Variants in CTNNA2 observed in about 807,000 individuals in gnomAD.
The protein encoded by CTNNA2 is catenin alpha-2.
In CTNNA2, 42 loss-of-function variants were observed where a neutral mutation model predicts 101.0. That is an observed-to-expected ratio of 0.42 (90% confidence interval 0.32 to 0.54). The LOEUF (loss-of-function observed/expected upper bound fraction) is 0.54, where lower values mean the gene tolerates loss of function less well. CTNNA2 is among the 20% of genes least tolerant of loss of function. The pLI, the probability that CTNNA2 is intolerant of heterozygous loss-of-function variation, is 0.14. For missense variants in CTNNA2, 871 were observed against 1,223.1 expected, an observed-to-expected ratio of 0.71 and a Z score of 4.29; for synonymous variants, 450 against 456.4, an observed-to-expected ratio of 0.99 and a Z score of 0.18.
chr2:79,289,337 A>G (rs1301060473), intron 2 of CTNNA2, among the ~76,000 whole-genome samples: 1 of 152,122 alleles, frequency 6.6e-6, no homozygotes, highest in African/African-American at 2.4e-5. Context: ...TTTCATAGGT[A>G]AATATAGATT....
chr2:80,364,635 A>G (rs1221535808), intron 7 of CTNNA2, among the ~76,000 whole-genome samples: 2 of 122,962 alleles, frequency 1.6e-5, no homozygotes, highest in African/African-American at 6.2e-5. Flanking sequence ...AGTACTTTGT[A>G]TCTTCCCTCT....
chr2:79,569,922 T>A (rs988581678), intron 1 of CTNNA2, among the ~76,000 whole-genome samples: 3 of 152,230 alleles, frequency 2.0e-5, no homozygotes, highest in African/African-American at 7.2e-5. Flanking sequence ...TGGTCTATTA[T>A]GACTAATTTA....
At chr2:80,098,072 G>A (rs1199233715) in intron 7 of CTNNA2, among the ~76,000 whole-genome samples, 2 of 152,188 alleles carry the variant, frequency 1.3e-5, no homozygotes, top group African/African-American at 2.4e-5. Context: ...TTTGGAGGAG[G>A]AGAGGCACTC....
chr2:80,075,586 ATGT>A (rs1698637761), intron 7 of CTNNA2, among the ~76,000 whole-genome samples: 1 of 91,940 alleles, frequency 1.1e-5, no homozygotes, highest in Non-Finnish European at 2.5e-5. Context: ...ATATTTATAC[ATGT>A]ATAAATATAA....
At chr2:79,223,226 C>G (rs1263498034) in intron 2 of CTNNA2, among the ~76,000 whole-genome samples, 2 of 152,122 alleles carry the variant, frequency 1.3e-5, no homozygotes, top group African/African-American at 2.4e-5. Flanking sequence ...TAAGTCACAA[C>G]AAGCAGTTAG....
At chr2:80,069,456 T>C (rs1698186947) in intron 7 of CTNNA2, among the ~76,000 whole-genome samples, 1 of 152,162 alleles carries the variant, frequency 6.6e-6, no homozygotes, top group African/African-American at 2.4e-5. Flanking sequence ...TATCTCTAAA[T>C]AAAAATAATA....
Position 79,850,599 on chromosome 2 carries a change from T to G in CTNNA2, c.299-7414T>G, listed in dbSNP as rs74373622. On this transcript the variant is annotated intron_variant, in intron 3 of 18. Coordinates refer to ENST00000402739, the MANE Select transcript of CTNNA2 (RefSeq NM_001282597.3). ...AACAGGATGTTAAAATAAAGATATT[T>G]CTAAAGCACTGGTTTTAAGAGGATA... 4.4e-3 allele frequency among the ~76,000 whole-genome samples: 673 copies of G among 152,282 alleles called. 4 individuals are homozygous for G. Among genetic ancestry groups the G allele is most frequent in the African/African-American group, 0.014 (589 of 41,546 alleles).
intron 7 of CTNNA2, among the ~76,000 whole-genome samples, chr2:80,356,459 C>G (rs1673808248): frequency 6.6e-6 from 1 of 152,144 alleles, no homozygotes; most frequent in African/African-American, 2.4e-5. Flanking sequence ...TCTTCCGGCT[C>G]AAACATCCTG....
chr2:79,731,853 C>T (rs1687219262), intron 2 of CTNNA2, among the ~76,000 whole-genome samples: 2 of 148,380 alleles, frequency 1.3e-5, no homozygotes, highest in African/African-American at 2.5e-5. Flanking sequence ...TTTTTTTTAC[C>T]ATCAAATGCA....
At chr2:80,339,214 A>T (rs1488644038) in intron 7 of CTNNA2, among the ~76,000 whole-genome samples, 1 of 152,144 alleles carries the variant, frequency 6.6e-6, no homozygotes, top group Non-Finnish European at 1.5e-5. Context: ...TATCACACCC[A>T]TCCATTGAGT....
chr2:79,249,218 A>T (rs1674738330), intron 2 of CTNNA2, among the ~76,000 whole-genome samples: 1 of 152,206 alleles, frequency 6.6e-6, no homozygotes, highest in Non-Finnish European at 1.5e-5. Flanking sequence ...TATGCCTAAT[A>T]AATGTTAGCT....
chr2:79,986,160 C>T (rs1691745553), intron 7 of CTNNA2, among the ~76,000 whole-genome samples: 1 of 152,168 alleles, frequency 6.6e-6, no homozygotes. Context: ...GTCAAGACCT[C>T]TTTAAGTTTT....
At chr2:79,979,352 C>A (rs1691094368) in intron 7 of CTNNA2, among the ~76,000 whole-genome samples, 1 of 152,112 alleles carries the variant, frequency 6.6e-6, no homozygotes. Flanking sequence ...CACTGTACTC[C>A]AGCCTGGGTG....
chr2:80,554,058 A>G (rs1249731349), intron 11 of CTNNA2, among the ~76,000 whole-genome samples: 1 of 152,202 alleles, frequency 6.6e-6, no homozygotes, highest in Non-Finnish European at 1.5e-5. Flanking sequence ...GCAATTTATA[A>G]TGGTTTGAGT....
At chr2:79,589,701 TC>T (rs1241272530) in intron 1 of CTNNA2, among the ~76,000 whole-genome samples, 4 of 114,958 alleles carry the variant, frequency 3.5e-5, no homozygotes, top group Non-Finnish European at 7.0e-5. Context: ...TGCAGCATTT[TC>T]CAGATCTTTT....
chr2:79,338,354 A>G (rs1677044340), intron 3 of CTNNA2, among the ~76,000 whole-genome samples: 1 of 151,902 alleles, frequency 6.6e-6, no homozygotes, highest in South Asian at 2.1e-4. Context: ...CAGAAAGGAG[A>G]CTATTCACAG....
chr2:80,440,472 G>C (rs1230648889), intron 9 of CTNNA2, among the ~76,000 whole-genome samples: 1 of 152,196 alleles, frequency 6.6e-6, no homozygotes, highest in Non-Finnish European at 1.5e-5. Flanking sequence ...TGGCTATCAT[G>C]GGCTAATCAG....
intron 18 of CTNNA2, among the ~76,000 whole-genome samples, chr2:80,631,509 C>T (rs1298044792): frequency 6.6e-6 from 1 of 151,968 alleles, no homozygotes; most frequent in Non-Finnish European, 1.5e-5. Flanking sequence ...CATGGAGGCT[C>T]TTTGTTGGAC....
intron 8 of CTNNA2, among the ~76,000 whole-genome samples, chr2:80,416,615 T>C (rs996531913): frequency 6.6e-6 from 1 of 152,098 alleles, no homozygotes; most frequent in Admixed American, 6.5e-5. Flanking sequence ...CTTAAAATAT[T>C]TTGGTGTTTT....
Sources: allele counts gnomAD v4.1 joint callset (sites outside exome capture counted in the v4.1 genomes callset), GRCh38; gene constraint gnomAD v4.1.1; transcripts MANE v1.5; gene names NCBI Gene and HGNC (gene_info 2026-07-23, HGNC 2026-07-21).